The following STYXL2 variants were observed in gnomAD, a reference collection of about 807,000 sequenced individuals.
STYXL2 encodes the protein serine/threonine/tyrosine interacting like 2.
In STYXL2, 44 loss-of-function variants were observed where a neutral mutation model predicts 52.4. The ratio of observed to expected loss-of-function variants is 0.84; its 90% CI spans 0.66 to 1.08. The LOEUF (loss-of-function observed/expected upper bound fraction) is 1.08, where lower values mean the gene tolerates loss of function less well. STYXL2 is among the 50% of genes least tolerant of loss of function. The pLI, the probability that STYXL2 is intolerant of heterozygous loss-of-function variation, is 0.00. For synonymous variants in STYXL2, 604 were observed against 586.9 expected (o/e 1.03, Z -0.42); for missense variants, 1,604 against 1,471.7 (o/e 1.09, Z -1.47).
At chr1:167,099,260 T>A (rs1667354376) in intron 2 of STYXL2, among the ~76,000 whole-genome samples, 1 of 152,074 alleles carries the variant, frequency 6.6e-6, no homozygotes, top group Admixed American at 6.5e-5. Context: ...TCTCAGCAAC[T>A]GATAAAATAA....
Position 167,126,901 on chromosome 1 carries a change from G to A in STYXL2, c.1770G>A (p.Gln590=), listed in dbSNP as rs776349275. The change falls in exon 6 of 6, where the codon CAG becomes CAA. Residue 590 remains glutamine (Q), a synonymous_variant. Coordinates refer to ENST00000361200, the MANE Select transcript of STYXL2 (RefSeq NM_001080426.3). ...CCGACGTCAGCCTGACAGCCTACCA[G>A]GCCTGGAAGCTGAAACACCAGAAGA... ...NPSDVSLTAY[Q]AWKLKHQKKV... is the part of the protein sequence containing the mutation. 7.4e-6 allele frequency: 12 copies of A among 1,612,154 alleles called. No individual in the cohort carries two copies. Among genetic ancestry groups the A allele is most frequent in the Non-Finnish European group, 1.0e-5 (12 of 1,179,004 alleles).
chr1:167,124,149 G>A (rs989903185), intron 5 of STYXL2, among the ~76,000 whole-genome samples: 1 of 151,750 alleles, frequency 6.6e-6, no homozygotes, highest in East Asian at 1.9e-4. Flanking sequence ...GGCCTCAAGC[G>A]ATCCTCTAAC....
At chr1:167,108,723 C>T (rs2102230442) in intron 2 of STYXL2, among the ~76,000 whole-genome samples, 1 of 152,302 alleles carries the variant, frequency 6.6e-6, no homozygotes, top group Non-Finnish European at 1.5e-5. Context: ...AGACTCACAT[C>T]ATGAACCTTT....
At chr1:167,113,873 T>G (rs566947920) in intron 3 of STYXL2, 69 bp downstream of exon 3, 1 of 1,217,398 alleles carries the variant, frequency 8.2e-7, no homozygotes, top group Non-Finnish European at 1.2e-6. Flanking sequence ...AGGGGGGCCA[T>G]TGGAAGACGT....
chr1:167,117,420 G>C lies in STYXL2; in HGVS notation c.298G>C (p.Val100Leu). 6.2e-7 allele frequency: 1 copy of C among 1,612,764 alleles called. No homozygotes were observed. The highest frequency in any genetic ancestry group is 8.5e-7 in the Non-Finnish European group (1 of 1,179,496). ...GCTGGTGGAGGACCTGTACAACCGCGTCAGGGAGAAGATGGATGACACCAG... is the reference window on the plus strand; with the variant it reads ...GCTGGTGGAGGACCTGTACAACCGCCTCAGGGAGAAGATGGATGACACCAG... ...QLLVEDLYNRVREKMDDTSLY... is the reference protein window; with the variant it reads ...QLLVEDLYNRLREKMDDTSLY... Residue 100 changes from valine to leucine, a missense_variant, in exon 4 of 6, where the codon GTC (valine) becomes CTC (leucine). Physicochemically the swap from Val to Leu is conservative, Grantham distance 32. Coordinates refer to ENST00000361200, the MANE Select transcript of STYXL2 (RefSeq NM_001080426.3).
Position 167,125,817 on chromosome 1 carries a change from T to C in STYXL2, c.686T>C (p.Ile229Thr), listed in dbSNP as rs1571348000. The C allele has an allele frequency of 6.2e-7, 1 of 1,607,270 alleles. No homozygotes were observed. The highest frequency in any genetic ancestry group is 8.5e-7 in the Non-Finnish European group (1 of 1,177,306). The stretch of plus-strand genomic sequence containing the variant: ...GTCCTGGTCAGCAGCGAAATGGGCA[T>C]CAGCCGGTCAGCAGTGCTGGTGGTC... ...GKVLVSSEMG[I>T]SRSAVLVVAY... The change falls in exon 6 of 6, where the codon ATC becomes ACC. Residue 229 changes from isoleucine (I) to threonine (T), a missense_variant. By Grantham distance (89) the Ile-to-Thr change is moderately conservative. Coordinates refer to ENST00000361200, the MANE Select transcript of STYXL2 (RefSeq NM_001080426.3).
At chr1:167,101,377 G>A (rs1667400107) in intron 2 of STYXL2, among the ~76,000 whole-genome samples, 1 of 152,158 alleles carries the variant, frequency 6.6e-6, no homozygotes, top group Non-Finnish European at 1.5e-5. Flanking sequence ...TATACTGCTG[G>A]TGGGAATGTA....
chr1:167,119,160 TAGA>T, intron 4 of STYXL2, 86 bp from the exon 5 acceptor site: 1 of 1,272,560 alleles, frequency 7.9e-7, no homozygotes, highest in Middle Eastern at 2.4e-4. Context: ...GCTGTGGCCC[TAGA>T]CTGGCTGAGG....
rs779317871 is a variant in STYXL2, at chr1:167,128,528, G to A, written c.3397G>A (p.Asp1133Asn). 1.2e-6 allele frequency: 2 copies of A among 1,614,000 alleles called. No individual in the cohort carries two copies. The highest frequency in any genetic ancestry group is 2.2e-5 in the South Asian group (2 of 91,078). Reference sequence around the variant, plus strand: ...TGACAGGGAGGAAGAGGAAGAAATGGACGATGAAGCCATCATTGCTGCTTG... The same window carrying A: ...TGACAGGGAGGAAGAGGAAGAAATGAACGATGAAGCCATCATTGCTGCTTG... ...STDREEEEEM[D>N]DEAIIAAWRR... The change falls in exon 6 of 6, where the codon GAC (aspartate) becomes AAC (asparagine). Residue 1133 changes from aspartate to asparagine, a missense_variant. Physicochemically the swap from Asp to Asn is conservative, Grantham distance 23 (BLOSUM62 1). Transcript: ENST00000361200.
At chr1:167,117,288 T>C (rs1325506558) in intron 3 of STYXL2, 40 bp from the exon 4 acceptor site, 18 of 1,532,472 alleles carry the variant, frequency 1.2e-5, no homozygotes, top group East Asian at 2.4e-5. Context: ...GGCCATGATG[T>C]TCCTAACTCT....
At position 167,128,576 on chromosome 1, in the gene STYXL2, A is replaced by G; in HGVS notation, c.3445A>G (p.Arg1149Gly). The G allele has an allele frequency of 6.2e-7, 1 of 1,613,298 alleles. No individual in the cohort carries two copies. The change falls in exon 6 of 6, where the codon AGG becomes GGG. Residue 1149 changes from arginine to glycine, a missense_variant. By Grantham distance (125) the Arg-to-Gly change is moderately radical (BLOSUM62 -2). Coordinates refer to ENST00000361200, the MANE Select transcript of STYXL2 (RefSeq NM_001080426.3). ...TTGGAGACGCCGGCAAGAAGAAACC[A>G]GGACCAAGCTGCAGAAAAGGAGGGA... Reference protein sequence around the residue: ...AAWRRRQEETRTKLQKRRED With the variant: ...AAWRRRQEETGTKLQKRRED
At chr1:167,120,934 A>C (rs746814185) in intron 5 of STYXL2, among the ~76,000 whole-genome samples, 16 of 150,466 alleles carry the variant, frequency 1.1e-4, no homozygotes, top group Non-Finnish European at 2.2e-4. Flanking sequence ...ACATGTATAC[A>C]CATATACATA....
intron 2 of STYXL2, among the ~76,000 whole-genome samples, chr1:167,096,592 A>C (rs1230360485): frequency 6.6e-6 from 1 of 152,212 alleles, no homozygotes; most frequent in Non-Finnish European, 1.5e-5. Flanking sequence ...AATGGAGACA[A>C]GCACGGATAA....
At chr1:167,096,408 A>G (rs182640918) in intron 2 of STYXL2, among the ~76,000 whole-genome samples, 339 of 152,310 alleles carry the variant, frequency 2.2e-3, no homozygotes, top group Non-Finnish European at 3.9e-3. Flanking sequence ...AGTTTCGTGT[A>G]TTGCTAAGAG....
intron 2 of STYXL2, among the ~76,000 whole-genome samples, chr1:167,099,767 T>G (rs1409984155): frequency 2.6e-5 from 4 of 152,212 alleles, no homozygotes; most frequent in South Asian, 2.1e-4. Flanking sequence ...AGGCTCACTC[T>G]TCATAAATAC....
chr1:167,128,857 C>A lies in STYXL2; in HGVS notation c.*249C>A. The A allele has an allele frequency of 5.6e-6, 3 of 533,566 alleles. No homozygotes were observed. Among genetic ancestry groups the A allele is most frequent in the East Asian group, 3.4e-5 (1 of 29,256 alleles). 33.1% of individuals were successfully genotyped at this position (533,566 alleles called of 1,614,324 possible). ...ACTGATACCATTTTCTGTTGCTCAG[C>A]GCCCTCTAAGCTTTGGTGTTTCACT... On this transcript the variant is annotated 3_prime_UTR_variant, in exon 6 of 6. Transcript: ENST00000361200.
At chr1:167,104,763 C>A (rs1454967883) in intron 2 of STYXL2, among the ~76,000 whole-genome samples, 1 of 152,204 alleles carries the variant, frequency 6.6e-6, no homozygotes, top group African/African-American at 2.4e-5. Flanking sequence ...AGCTCAGAAA[C>A]CTTGTCCTTT....
intron 2 of STYXL2, among the ~76,000 whole-genome samples, chr1:167,102,266 G>C (rs1667419289): frequency 6.6e-6 from 1 of 151,370 alleles, no homozygotes. Context: ...TTTTAAATTT[G>C]TGCAGTTTGT....
At chr1:167,119,098 T>C in intron 4 of STYXL2, 151 bp from the exon 5 acceptor site, 1 of 672,926 alleles carries the variant, frequency 1.5e-6, no homozygotes, top group Non-Finnish European at 2.6e-6. Context: ...TCTATAATGG[T>C]ATTTGCAGTG....
Sources: allele counts gnomAD v4.1 joint callset (sites outside exome capture counted in the v4.1 genomes callset), GRCh38; gene constraint gnomAD v4.1.1; transcripts MANE v1.5; gene names NCBI Gene and HGNC (gene_info 2026-07-23, HGNC 2026-07-21).